CEP170: variants seen among roughly 807,000 people sequenced by gnomAD.
CEP170 encodes centrosomal protein 170.
In CEP170, 21 loss-of-function variants were observed where a neutral mutation model predicts 151.9. The observed-to-expected ratio is 0.14, with a 90% CI of 0.10 to 0.20. CEP170 has a LOEUF of 0.20. CEP170 is among the 10% of genes least tolerant of loss of function. The probability of loss-of-function intolerance (pLI) is 1.00; values close to 1 mark genes in which losing one functional copy is unlikely to be tolerated. For synonymous variants in CEP170, 356 were observed against 648.8 expected, an observed-to-expected ratio of 0.55 and a Z score of 6.86; for missense variants, 964 against 1,892.9, an observed-to-expected ratio of 0.51 and a Z score of 9.11.
chr1:243,221,871 A>G, intron 2 of CEP170, 58 bp from the exon 3 acceptor site: 1 of 1,485,896 alleles, frequency 6.7e-7, no homozygotes, highest in South Asian at 1.3e-5. Context: ...AATACCAGTC[A>G]CATTTTGGCT....
chr1:243,171,685 TATC>T (rs1198301235), intron 11 of CEP170, among the ~76,000 whole-genome samples: 5 of 152,208 alleles, frequency 3.3e-5, no homozygotes, highest in Non-Finnish European at 5.9e-5. Flanking sequence ...GAAATTCTAA[TATC>T]ATTTCTGATA....
At chr1:243,129,876 A>C (rs1202384066) in intron 17 of CEP170, among the ~76,000 whole-genome samples, 1 of 152,052 alleles carries the variant, frequency 6.6e-6, no homozygotes, top group Non-Finnish European at 1.5e-5. Flanking sequence ...GAGAGAGAAA[A>C]AAAAAGACCA....
At chr1:243,229,191 C>A (rs747759288) in intron 1 of CEP170, among the ~76,000 whole-genome samples, 1 of 152,142 alleles carries the variant, frequency 6.6e-6, no homozygotes, top group Non-Finnish European at 1.5e-5. Context: ...ACTCAGGTTC[C>A]GCTAAATGGT....
rs561861810 is a variant in CEP170, at chr1:243,200,716, G to C, written c.334-36C>G. ...TTTAAAAATGGAAGTGAAACATCAA[G>C]AAGTAAAATCAACCATAGTGAAGAG... On this transcript the variant is annotated intron_variant, in intron 5 of 19. Coordinates refer to ENST00000366542, the MANE Select transcript of CEP170 (RefSeq NM_014812.3). 611 of 1,601,736 alleles carry C rather than the reference G, an allele frequency of 3.8e-4. 4 individuals carry two copies. The South Asian group carries it at 3.9e-3, about 10-fold the overall frequency.
intron 11 of CEP170, among the ~76,000 whole-genome samples, chr1:243,171,425 A>AT (rs1269271862): frequency 4.0e-5 from 6 of 151,846 alleles, no homozygotes; most frequent in African/African-American, 1.5e-4. Flanking sequence ...CAAATGTAAC[A>AT]TTTTATTTAT....
At chr1:243,176,229 TAGAAGTCC>T (rs1307086651) in intron 10 of CEP170, among the ~76,000 whole-genome samples, 2 of 151,962 alleles carry the variant, frequency 1.3e-5, no homozygotes, top group Admixed American at 1.3e-4. Flanking sequence ...TTCTGTAGGC[TAGAAGTCC>T]ACAGTGGGGA....
intron 16 of CEP170, among the ~76,000 whole-genome samples, chr1:243,136,474 T>C (rs1407483820): frequency 1.3e-5 from 2 of 152,258 alleles, no homozygotes; most frequent in South Asian, 2.1e-4. Context: ...TTTGGTCATA[T>C]CAGTTTCCAA....
Position 243,165,803 on chromosome 1 carries a change from T to C in CEP170, c.2157A>G (p.Leu719=). ...TLKTGGDNKT[L]LHLGSSAPGK... is the part of the protein sequence containing the mutation. ...CAGGAGCAGAGCTGCCTAAGTGAAG[T>C]AGGGTTTTATTATCTCCACCAGTTT... The change falls in exon 13 of 20, where the codon CTA becomes CTG. Residue 719 remains leucine, a synonymous_variant. Coordinates refer to ENST00000366542, the MANE Select transcript of CEP170 (RefSeq NM_014812.3). The C allele has an allele frequency of 6.2e-7, 1 of 1,614,024 alleles. No individual in the cohort carries two copies. Among genetic ancestry groups the C allele is most frequent in the Non-Finnish European group, 8.5e-7 (1 of 1,179,882 alleles).
chr1:243,221,088 T>G (rs7516586), intron 3 of CEP170, among the ~76,000 whole-genome samples: 5 of 152,014 alleles, frequency 3.3e-5, no homozygotes, highest in African/African-American at 9.7e-5. Context: ...GCAGTGGCGC[T>G]GTCTCGGCTC....
At chr1:243,244,670 C>T (rs1215647300) in intron 1 of CEP170, among the ~76,000 whole-genome samples, 2 of 151,970 alleles carry the variant, frequency 1.3e-5, no homozygotes, top group Non-Finnish European at 2.9e-5. Context: ...GGCTTGAGCC[C>T]ACGAGATCGA....
intron 11 of CEP170, among the ~76,000 whole-genome samples, chr1:243,171,698 A>G (rs867040887): frequency 1.3e-5 from 2 of 152,212 alleles, no homozygotes; most frequent in Non-Finnish European, 2.9e-5. Flanking sequence ...CATTTCTGAT[A>G]AAGGTAAAAA....
intron 3 of CEP170, 106 bp downstream of exon 3, chr1:243,221,618 A>ATTTT (rs2062824744): frequency 1.7e-6 from 2 of 1,153,050 alleles, no homozygotes; most frequent in Admixed American, 2.7e-5. Context: ...AAAATAACAT[A>ATTTT]CAAAGTAAAG....
intron 7 of CEP170, among the ~76,000 whole-genome samples, chr1:243,197,233 G>C (rs1233170415): frequency 6.6e-6 from 1 of 152,034 alleles, no homozygotes; most frequent in Non-Finnish European, 1.5e-5. Context: ...CAAGGTGAAG[G>C]GAAGGGAACA....
intron 1 of CEP170, among the ~76,000 whole-genome samples, chr1:243,241,365 C>G (rs986967197): frequency 2.6e-4 from 39 of 152,152 alleles, no homozygotes; most frequent in African/African-American, 8.7e-4. Context: ...ACCAAAATGT[C>G]ATTATAACTA....
chr1:243,239,231 C>T (rs1237763095), intron 1 of CEP170, among the ~76,000 whole-genome samples: 1 of 152,132 alleles, frequency 6.6e-6, no homozygotes, highest in Non-Finnish European at 1.5e-5. Context: ...TCCTGTTCTC[C>T]CCGTCTTAGC....
chr1:243,185,601 C>T lies in CEP170; in HGVS notation c.1566+178G>A, dbSNP rs956965677. The stretch of plus-strand genomic sequence containing the variant: ...AACTCAGGTAAATTCAGAATATCAG[C>T]AAATAAAATCACAAAGCATGTTGGT... On this transcript the variant is annotated intron_variant, in intron 10 of 19. Coordinates refer to ENST00000366542, the MANE Select transcript of CEP170 (RefSeq NM_014812.3). The surrounding 1 kb of genome is among the most constrained non-coding windows in gnomAD (Gnocchi z 4.9). Among the ~76,000 whole-genome samples the T allele has an allele frequency of 6.6e-6, 1 of 152,132 alleles. No homozygotes were observed. Among genetic ancestry groups the T allele is most frequent in the African/African-American group, 2.4e-5 (1 of 41,424 alleles).
chr1:243,175,394 A>C (rs2059158832), intron 10 of CEP170, among the ~76,000 whole-genome samples: 1 of 152,192 alleles, frequency 6.6e-6, no homozygotes, highest in African/African-American at 2.4e-5. Context: ...TTCAAATTTC[A>C]CATCTGTTTT....
At chr1:243,209,134 C>T (rs1384374283) in intron 4 of CEP170, among the ~76,000 whole-genome samples, 5 of 152,198 alleles carry the variant, frequency 3.3e-5, no homozygotes, top group Non-Finnish European at 5.9e-5. Context: ...TAATTCTAGT[C>T]TTGATCCATG....
At chr1:243,170,371 G>A (rs1247332700) in intron 11 of CEP170, among the ~76,000 whole-genome samples, 7 of 152,034 alleles carry the variant, frequency 4.6e-5, no homozygotes, top group African/African-American at 1.4e-4. Context: ...GCAACAGAGC[G>A]AGACTTCGTC....
Sources: allele counts gnomAD v4.1 joint callset (sites outside exome capture counted in the v4.1 genomes callset), GRCh38; gene constraint gnomAD v4.1.1; non-coding constraint Gnocchi (gnomAD v3.1); transcripts MANE v1.5; gene names NCBI Gene and HGNC (gene_info 2026-07-23, HGNC 2026-07-21).